The following ACBD6 variants were observed in gnomAD, a reference collection of about 807,000 sequenced individuals.
ACBD6 encodes acyl-CoA-binding domain-containing protein 6.
Under a neutral mutation model 37.2 loss-of-function variants are expected in ACBD6, and 28 were observed. The ratio of observed to expected loss-of-function variants is 0.75; its 90% CI spans 0.56 to 1.03. The LOEUF is 1.03. Among genes scored for constraint, ACBD6 ranks in the 50% least tolerant of loss-of-function variants. The pLI is 0.00. For missense variants in ACBD6, 340 were observed against 337.4 expected (o/e 1.01, Z -0.06); for synonymous variants, 113 against 126.8 (o/e 0.89, Z 0.73).
At chr1:180,485,100 C>A (rs938032806) in intron 3 of ACBD6, among the ~76,000 whole-genome samples, 1 of 151,544 alleles carries the variant, frequency 6.6e-6, no homozygotes, top group Admixed American at 6.6e-5. Context: ...GTGTGTGTAT[C>A]TATAGATACA....
chr1:180,410,899 G>C (rs1288638429), intron 5 of ACBD6, among the ~76,000 whole-genome samples: 1 of 152,140 alleles, frequency 6.6e-6, no homozygotes, highest in Non-Finnish European at 1.5e-5. Context: ...GATAGATCTG[G>C]GCAAACTGAA....
intron 6 of ACBD6, among the ~76,000 whole-genome samples, chr1:180,354,050 C>T (rs970652384): frequency 3.3e-5 from 5 of 152,226 alleles, no homozygotes; most frequent in Admixed American, 6.5e-5. Context: ...AGACAGCTTT[C>T]CCTATCCCCA....
chr1:180,275,976 C>T (rs1184763750), intron 9 of ACBD6: 1 of 152,240 alleles, frequency 6.6e-6, no homozygotes. Context: ...GAAACGCTGT[C>T]CTGAATGGTG....
intron 7 of ACBD6, among the ~76,000 whole-genome samples, chr1:180,305,428 A>G (rs1650314405): frequency 6.6e-6 from 1 of 152,228 alleles, no homozygotes; most frequent in African/African-American, 2.4e-5. Flanking sequence ...AACCCCATCA[A>G]AAAGTGGGCA....
intron 6 of ACBD6, among the ~76,000 whole-genome samples, chr1:180,367,330 A>G (rs1653088271): frequency 6.6e-6 from 1 of 152,196 alleles, no homozygotes; most frequent in African/African-American, 2.4e-5. Flanking sequence ...AAATAATACT[A>G]AAGTATTGGT....
chr1:180,365,215 G>A (rs954768247), intron 6 of ACBD6, among the ~76,000 whole-genome samples: 1 of 152,148 alleles, frequency 6.6e-6, no homozygotes, highest in Non-Finnish European at 1.5e-5. Context: ...CAGGGAAACT[G>A]AAGAGTTCAA....
intron 8 of ACBD6, among the ~76,000 whole-genome samples, chr1:180,283,019 A>T (rs964664959): frequency 3.3e-5 from 4 of 122,932 alleles, no homozygotes; most frequent in Non-Finnish European, 6.5e-5. Flanking sequence ...TCACAAACGG[A>T]GCTAAAGTGC....
intron 6 of ACBD6, among the ~76,000 whole-genome samples, chr1:180,367,030 T>G (rs1422360631): frequency 6.6e-6 from 1 of 152,218 alleles, no homozygotes; most frequent in Non-Finnish European, 1.5e-5. Context: ...TCCTCAACTG[T>G]AAAATGAAGA....
At chr1:180,384,534 T>C (rs1020030108) in intron 6 of ACBD6, among the ~76,000 whole-genome samples, 12 of 152,298 alleles carry the variant, frequency 7.9e-5, no homozygotes, top group Non-Finnish European at 1.8e-4. Context: ...AGAAAAACTC[T>C]TATACATGGT....
intron 6 of ACBD6, among the ~76,000 whole-genome samples, chr1:180,369,486 A>G (rs925973946): frequency 2.6e-5 from 4 of 152,204 alleles, no homozygotes; most frequent in Non-Finnish European, 5.9e-5. Flanking sequence ...TTCGGAAGGG[A>G]GAAATAAAAG....
chr1:180,386,305 T>C (rs994786071), intron 6 of ACBD6, among the ~76,000 whole-genome samples: 2 of 152,252 alleles, frequency 1.3e-5, no homozygotes, highest in South Asian at 4.1e-4. Flanking sequence ...TTGAGGAGCA[T>C]CTGCAGTGTA....
At chr1:180,416,176 A>G (rs932348210) in intron 4 of ACBD6, among the ~76,000 whole-genome samples, 1 of 152,130 alleles carries the variant, frequency 6.6e-6, no homozygotes, top group Non-Finnish European at 1.5e-5. Context: ...TTCTACAACC[A>G]AGCTGTTTTT....
chr1:180,483,247 C>T (rs1651126193), intron 3 of ACBD6, among the ~76,000 whole-genome samples: 1 of 152,108 alleles, frequency 6.6e-6, no homozygotes, highest in Non-Finnish European at 1.5e-5. Flanking sequence ...CATTCTTTCA[C>T]TTAATTTCAA....
intron 3 of ACBD6, among the ~76,000 whole-genome samples, chr1:180,443,083 T>C (rs1649345424): frequency 6.6e-6 from 1 of 152,192 alleles, no homozygotes; most frequent in Non-Finnish European, 1.5e-5. Flanking sequence ...GCTTGCTGGA[T>C]TTTGTTGTGT....
chr1:180,385,074 A>C (rs1171468397), intron 6 of ACBD6, among the ~76,000 whole-genome samples: 1 of 152,100 alleles, frequency 6.6e-6, no homozygotes, highest in Admixed American at 6.6e-5. Context: ...TAGAAGGTAT[A>C]ATGTTTCATA....
intron 3 of ACBD6, among the ~76,000 whole-genome samples, chr1:180,440,841 T>C (rs1649253002): frequency 6.6e-6 from 1 of 152,256 alleles, no homozygotes; most frequent in South Asian, 2.1e-4. Flanking sequence ...CTTGGTTTAA[T>C]GTTTTCAAGG....
At chr1:180,422,197 C>T (rs919291326) in intron 4 of ACBD6, among the ~76,000 whole-genome samples, 10 of 151,486 alleles carry the variant, frequency 6.6e-5, no homozygotes, top group Non-Finnish European at 1.3e-4. Flanking sequence ...TTCATGAATT[C>T]CCTTTTCTTT....
At chr1:180,270,865 T>TG in exon 14 of ACBD6, 2 of 216,772 alleles carry the variant, frequency 9.2e-6, no homozygotes, top group South Asian at 1.5e-4. Context: ...TAGACACTGT[T>TG]GGGTGTGCAA....
At chr1:180,280,219 A>G (rs1349952881) in intron 9 of ACBD6, among the ~76,000 whole-genome samples, 1 of 152,162 alleles carries the variant, frequency 6.6e-6, no homozygotes, top group Non-Finnish European at 1.5e-5. Context: ...ATGTTTAGCT[A>G]TTAGTTATCC....
Sources: allele counts gnomAD v4.1 joint callset (sites outside exome capture counted in the v4.1 genomes callset), GRCh38; gene constraint gnomAD v4.1.1; transcripts MANE v1.5; gene names NCBI Gene and HGNC (gene_info 2026-07-23, HGNC 2026-07-21).